The following SH2D4A variants were observed in gnomAD, a reference collection of about 807,000 sequenced individuals.
SH2D4A encodes SH2 domain-containing protein 4A.
A neutral mutation model predicts 64.7 loss-of-function variants in SH2D4A; 70 were observed. That is an observed-to-expected ratio of 1.08 (90% CI 0.89 to 1.32). The LOEUF is 1.32. Ranked by LOEUF, SH2D4A falls within the 40% of genes most tolerant of loss-of-function variation. The probability of loss-of-function intolerance (pLI) is 0.00; values close to 1 mark genes in which losing one functional copy is unlikely to be tolerated. For synonymous variants in SH2D4A, 268 were observed against 200.7 expected (o/e 1.34, Z -2.83); for missense variants, 706 against 540.1 (o/e 1.31, Z -3.04).
At chr8:19,324,116 T>C (rs983042987) in intron 2 of SH2D4A, among the ~76,000 whole-genome samples, 21 of 152,338 alleles carry the variant, frequency 1.4e-4, no homozygotes, top group African/African-American at 5.1e-4. Context: ...ATCTAAAACA[T>C]GTGCTCGCGT....
intron 5 of SH2D4A, among the ~76,000 whole-genome samples, chr8:19,359,803 G>A (rs1029262524): frequency 2.6e-5 from 4 of 152,312 alleles, no homozygotes; most frequent in East Asian, 3.9e-4. Flanking sequence ...TGCCCAGAGC[G>A]ATCAGAAACA....
At chr8:19,348,562 T>C (rs1024856141) in intron 4 of SH2D4A, among the ~76,000 whole-genome samples, 1 of 152,206 alleles carries the variant, frequency 6.6e-6, no homozygotes, top group Non-Finnish European at 1.5e-5. Context: ...CGATCAGTTC[T>C]GTAAAACTGG....
At position 19,368,920 on chromosome 8, in the gene SH2D4A, A is replaced by G. The variant is rs142671694; in HGVS notation, c.918-4610A>G. On this transcript the variant is annotated intron_variant, in intron 7 of 9. Transcript: ENST00000265807. ...ATTCTTGTTTTGTTCCAAGTTTTAA[A>G]GGAAAAACTTTCCATTTTTCCTCTT... Among the ~76,000 whole-genome samples, 91 of 152,286 alleles carry G rather than the reference A, an allele frequency of 6.0e-4. No homozygotes were observed. The East Asian group carries it at 0.014, about 23-fold the overall frequency.
intron 9 of SH2D4A, among the ~76,000 whole-genome samples, chr8:19,393,938 T>C (rs148080620): frequency 2.4e-4 from 36 of 152,324 alleles, no homozygotes; most frequent in African/African-American, 8.7e-4. Context: ...TGATTGTGCA[T>C]TTTATTATTA....
chr8:19,388,512 C>A (rs1585214001), intron 8 of SH2D4A, among the ~76,000 whole-genome samples: 2 of 152,226 alleles, frequency 1.3e-5, no homozygotes, highest in East Asian at 3.9e-4. Context: ...GTTTTCTCAC[C>A]AATTATTTGA....
At chr8:19,380,080 G>A (rs532349481) in intron 8 of SH2D4A, among the ~76,000 whole-genome samples, 1 of 152,118 alleles carries the variant, frequency 6.6e-6, no homozygotes, top group Non-Finnish European at 1.5e-5. Flanking sequence ...CCTAGTGGGT[G>A]TGAGGTCATA....
intron 8 of SH2D4A, among the ~76,000 whole-genome samples, chr8:19,385,153 A>G (rs2053362861): frequency 6.6e-6 from 1 of 151,708 alleles, no homozygotes. Flanking sequence ...TCTACTTAGC[A>G]AGCACATCCT....
At chr8:19,333,790 A>T (rs2052399760) in intron 3 of SH2D4A, among the ~76,000 whole-genome samples, 1 of 152,160 alleles carries the variant, frequency 6.6e-6, no homozygotes, top group Non-Finnish European at 1.5e-5. Flanking sequence ...GACGAGGTGA[A>T]ATCTGAACCA....
chr8:19,370,231 A>C (rs2053071884), intron 7 of SH2D4A, among the ~76,000 whole-genome samples: 1 of 152,012 alleles, frequency 6.6e-6, no homozygotes, highest in African/African-American at 2.4e-5. Flanking sequence ...TGTATTCTGC[A>C]GCTGGTTGAT....
intron 8 of SH2D4A, among the ~76,000 whole-genome samples, chr8:19,374,922 T>C (rs1294039234): frequency 6.6e-6 from 1 of 152,198 alleles, no homozygotes; most frequent in Non-Finnish European, 1.5e-5. Context: ...ACTTTGTAGT[T>C]TCTGTATCTT....
chr8:19,360,919 A>G (rs2052873228), intron 5 of SH2D4A: 1 of 229,198 alleles, frequency 4.4e-6, no homozygotes, highest in African/African-American at 2.3e-5. Context: ...AATCCTCAAT[A>G]TAACCCTAAG....
At chr8:19,319,856 A>T (rs538822266) in intron 2 of SH2D4A, 128 bp downstream of exon 2, 1 of 918,958 alleles carries the variant, frequency 1.1e-6, no homozygotes, top group African/African-American at 1.7e-5. Context: ...CCTAAATGTT[A>T]TTGAGAATCT....
intron 4 of SH2D4A, among the ~76,000 whole-genome samples, chr8:19,347,423 C>G (rs918445931): frequency 3.9e-5 from 6 of 152,162 alleles, no homozygotes; most frequent in African/African-American, 1.4e-4. Flanking sequence ...CTTAGAGACC[C>G]TCTATGTGGA....
intron 4 of SH2D4A, among the ~76,000 whole-genome samples, chr8:19,337,318 A>G (rs1017697423): frequency 3.9e-5 from 6 of 152,192 alleles, no homozygotes; most frequent in African/African-American, 1.4e-4. Flanking sequence ...ACTCGATGGT[A>G]CATTTATATT....
chr8:19,334,704 A>C lies in SH2D4A; in HGVS notation c.360A>C (p.Glu120Asp). 1 of 1,603,402 alleles carries C rather than the reference A, an allele frequency of 6.2e-7. No individual in the cohort carries two copies. Among genetic ancestry groups the C allele is most frequent in the Non-Finnish European group, 8.5e-7 (1 of 1,177,160 alleles). ...TCTTCAGAAAAACTCACTCTGAAGA[A>C]TTCACCAATAGCTTGAAAACAAAAT... ...AEEPRKTHSE[E>D]FTNSLKTKSQ... The change falls in exon 4 of 10, where the codon GAA (glutamate) becomes GAC (aspartate). Residue 120 changes from glutamate to aspartate, a missense_variant. Transcript: ENST00000265807.
At chr8:19,361,149 G>A in intron 5 of SH2D4A, 54 bp from the exon 6 acceptor site, 2 of 1,068,854 alleles carry the variant, frequency 1.9e-6, no homozygotes, top group East Asian at 5.3e-5. Flanking sequence ...GCTCACCAAG[G>A]TTCTTTTTTT....
At chr8:19,340,127 C>G (rs979304134) in intron 4 of SH2D4A, among the ~76,000 whole-genome samples, 1 of 152,102 alleles carries the variant, frequency 6.6e-6, no homozygotes, top group African/African-American at 2.4e-5. Context: ...GCAGTTCCAG[C>G]TGAGGAACAG....
intron 6 of SH2D4A, 85 bp from the exon 7 acceptor site, chr8:19,363,987 G>A: frequency 7.7e-7 from 1 of 1,292,482 alleles, no homozygotes; most frequent in Non-Finnish European, 1.1e-6. Context: ...AACCTGCGCT[G>A]CTGCCCGTTG....
chr8:19,348,026 G>A lies in SH2D4A; in HGVS notation c.514-9177G>A, dbSNP rs1250095530. 6.6e-5 allele frequency among the ~76,000 whole-genome samples: 10 copies of A among 152,266 alleles called. No homozygotes were observed. The East Asian group carries it at 7.7e-4, about 12-fold the overall frequency. On this transcript the variant is annotated intron_variant, in intron 4 of 9. Coordinates refer to ENST00000265807, the MANE Select transcript of SH2D4A (RefSeq NM_022071.4). ...TAACAACTAATGATCACAAAAACACGCCACTAAAGTGTACATTTTAGTTGT... is the reference window on the plus strand; with the variant it reads ...TAACAACTAATGATCACAAAAACACACCACTAAAGTGTACATTTTAGTTGT...
Sources: allele counts gnomAD v4.1 joint callset (sites outside exome capture counted in the v4.1 genomes callset), GRCh38; gene constraint gnomAD v4.1.1; transcripts MANE v1.5; gene names NCBI Gene and HGNC (gene_info 2026-07-23, HGNC 2026-07-21).